RBM19: variants seen among roughly 807,000 people sequenced by gnomAD.
RBM19 encodes the protein RNA binding motif protein 19.
A neutral mutation model predicts 116.8 loss-of-function variants in RBM19; 94 were observed. The ratio of observed to expected loss-of-function variants is 0.80; its 90% confidence interval spans 0.68 to 0.95. RBM19 has a LOEUF of 0.95. RBM19 is among the 40% of genes least tolerant of loss of function. The pLI is 0.00. For missense variants in RBM19, 1,161 were observed against 1,220.7 expected, an observed-to-expected ratio of 0.95 and a Z score of 0.73; for synonymous variants, 475 against 494.1, an observed-to-expected ratio of 0.96 and a Z score of 0.51.
chr12:113,849,423 G>A (rs370050909), intron 22 of RBM19, among the ~76,000 whole-genome samples: 9 of 152,346 alleles, frequency 5.9e-5, no homozygotes, highest in Admixed American at 3.3e-4. Flanking sequence ...TGGCTTAGAC[G>A]TCCTGCCACA....
chr12:113,877,225 G>A (rs1319595505), intron 21 of RBM19, among the ~76,000 whole-genome samples: 1 of 152,246 alleles, frequency 6.6e-6, no homozygotes, highest in African/African-American at 2.4e-5. Flanking sequence ...AGTGACCACT[G>A]ATGACCGTGA....
At chr12:113,942,875 T>A (rs573615896) in intron 13 of RBM19, among the ~76,000 whole-genome samples, 1 of 152,292 alleles carries the variant, frequency 6.6e-6, no homozygotes, top group East Asian at 1.9e-4. Flanking sequence ...CTTCCCAAAG[T>A]GCCAGGATTA....
At chr12:113,939,643 G>C (rs1870374025) in intron 15 of RBM19, among the ~76,000 whole-genome samples, 1 of 152,030 alleles carries the variant, frequency 6.6e-6, no homozygotes, top group African/African-American at 2.4e-5. Flanking sequence ...CCAGCTACTT[G>C]GGAGGCTGAG....
intron 21 of RBM19, among the ~76,000 whole-genome samples, chr12:113,870,286 G>A (rs1272180187): frequency 6.6e-6 from 1 of 152,174 alleles, no homozygotes; most frequent in East Asian, 1.9e-4. Context: ...CAGGGTGGCC[G>A]CTCAACTTCG....
chr12:113,965,700 C>G (rs1414038460), intron 1 of RBM19, among the ~76,000 whole-genome samples: 1 of 152,180 alleles, frequency 6.6e-6, no homozygotes, highest in Non-Finnish European at 1.5e-5. Flanking sequence ...TCCCCACTTA[C>G]TGGATAAATG....
At chr12:113,952,320 T>C (rs953572719) in intron 8 of RBM19, among the ~76,000 whole-genome samples, 192 bp downstream of exon 8, 2 of 152,144 alleles carry the variant, frequency 1.3e-5, no homozygotes, top group African/African-American at 4.8e-5. Flanking sequence ...TCCATCCCTA[T>C]ACACTAGGCC....
intron 21 of RBM19, among the ~76,000 whole-genome samples, chr12:113,889,944 G>C (rs1880831502): frequency 6.6e-6 from 1 of 151,756 alleles, no homozygotes; most frequent in Non-Finnish European, 1.5e-5. Context: ...TCAGCGCTCA[G>C]ATCCGCACCC....
At position 113,903,001 on chromosome 12, in the gene RBM19, T is replaced by G. The variant is rs1307159136; in HGVS notation, c.2558+11968A>C. ...TGTGCAACCCTTGCCACAGCCAATT[T>G]TAGAAGATTTTCATTACCTCACACA... On this transcript the variant is annotated intron_variant, in intron 21 of 23. Coordinates refer to ENST00000261741, the MANE Select transcript of RBM19 (RefSeq NM_016196.4). The surrounding 1 kb of genome is among the most constrained non-coding windows in gnomAD (Gnocchi z 5.1). Among the ~76,000 whole-genome samples, 1 of 152,122 alleles carries G rather than the reference T, an allele frequency of 6.6e-6. No individual in the cohort carries two copies. Among genetic ancestry groups the G allele is most frequent in the African/African-American group, 2.4e-5 (1 of 41,410 alleles).
In RBM19 at chr12:113,950,013, C is replaced by T. The variant is rs144331832; in HGVS notation, c.1072+70G>A. The T allele has an allele frequency of 1.4e-3, 1,872 of 1,335,436 alleles. 20 individuals are homozygous for T. The East Asian group carries it at 0.014, about 10-fold the overall frequency. 82.7% of individuals were successfully genotyped at this position (1,335,436 alleles called of 1,614,324 possible). ...GGTGGTGATGGTGCTGGTACAAGAA[C>T]GTGTAAAGGAAATGAAGGAACGAAG... On this transcript the variant is annotated intron_variant, in intron 9 of 23. Coordinates refer to ENST00000261741, the MANE Select transcript of RBM19 (RefSeq NM_016196.4).
At chr12:113,927,939 C>T (rs1312084464) in intron 16 of RBM19, among the ~76,000 whole-genome samples, 7 of 152,164 alleles carry the variant, frequency 4.6e-5, no homozygotes, top group Admixed American at 2.0e-4. Flanking sequence ...TTCCGAAGAA[C>T]GTTTAATGAC....
intron 21 of RBM19, among the ~76,000 whole-genome samples, chr12:113,879,431 T>TTATATATATA (rs5801011): frequency 0.11 from 14,371 of 132,410 alleles, 1,120 homozygotes; most frequent in Non-Finnish European, 0.15. Context: ...TACATACATT[T>TTATATATATA]TATATATATA....
At chr12:113,928,661 G>GTGTGTGTGTGTGTGTA (rs1555242499) in intron 16 of RBM19, among the ~76,000 whole-genome samples, 1 of 149,396 alleles carries the variant, frequency 6.7e-6, no homozygotes, top group African/African-American at 2.4e-5. Context: ...GTGTGTGTGT[G>GTGTGTGTGTGTGTGTA]TCTGCAGCTC....
chr12:113,844,321 G>A lies in RBM19; in HGVS notation c.2785+347C>T, dbSNP rs142663742. 2.8e-3 allele frequency among the ~76,000 whole-genome samples: 419 copies of A among 152,358 alleles called. 2 individuals are homozygous for A. Among genetic ancestry groups the A allele is most frequent in the Middle Eastern group, 0.01 (3 of 294 alleles). ...CTGAACACAGAGCACTGTGAGGACA[G>A]AGCCAACGGCCACGAGCTGTGACCT... On this transcript the variant is annotated intron_variant, in intron 23 of 23. Transcript: ENST00000261741.
intron 21 of RBM19, among the ~76,000 whole-genome samples, chr12:113,888,301 C>T (rs546466127): frequency 7.2e-5 from 11 of 152,278 alleles, no homozygotes; most frequent in African/African-American, 2.2e-4. Flanking sequence ...AACAGAATCC[C>T]GTGGAAGCTG....
intron 22 of RBM19, among the ~76,000 whole-genome samples, chr12:113,848,769 G>A (rs954971104): frequency 6.6e-6 from 1 of 152,114 alleles, no homozygotes; most frequent in Non-Finnish European, 1.5e-5. Context: ...CCTCAGCTGC[G>A]GGCAAGATGC....
intron 18 of RBM19, among the ~76,000 whole-genome samples, chr12:113,921,460 G>T (rs3782455): frequency 0.043 from 6,530 of 152,202 alleles, 352 homozygotes; most frequent in Admixed American, 0.16. Context: ...ATTCAAAGAA[G>T]ATTCCCTTCA....
intron 11 of RBM19, among the ~76,000 whole-genome samples, 175 bp downstream of exon 11, chr12:113,947,159 C>T (rs554052158): frequency 2.0e-5 from 3 of 152,196 alleles, no homozygotes; most frequent in East Asian, 1.9e-4. Flanking sequence ...TGCCCTCACA[C>T]GACTTCTTAC....
At chr12:113,928,624 G>GGTGTGTGTGTGTGTGTGTGTGT (rs757641377) in intron 16 of RBM19, among the ~76,000 whole-genome samples, 2 of 54,270 alleles carry the variant, frequency 3.7e-5, no homozygotes, top group Admixed American at 2.2e-4. Flanking sequence ...GTTAGCAAGG[G>GGTGTGTGTGTGTGTGTGTGTGT]ATGTGTGTGT....
intron 22 of RBM19, 44 bp from the exon 23 acceptor site, chr12:113,844,832 T>A: frequency 6.4e-7 from 1 of 1,553,072 alleles, no homozygotes; most frequent in East Asian, 2.4e-5. Flanking sequence ...GCTGGATCAG[T>A]GCGGCAGACA....
Sources: allele counts gnomAD v4.1 joint callset (sites outside exome capture counted in the v4.1 genomes callset), GRCh38; gene constraint gnomAD v4.1.1; non-coding constraint Gnocchi (gnomAD v3.1); transcripts MANE v1.5; gene names NCBI Gene and HGNC (gene_info 2026-07-23, HGNC 2026-07-21).